The following ADAMTS20 variants were observed in gnomAD, a reference collection of about 807,000 sequenced individuals.
ADAMTS20 encodes A disintegrin and metalloproteinase with thrombospondin motifs 20.
In ADAMTS20, 225 loss-of-function variants were observed where a neutral mutation model predicts 260.1. The observed-to-expected ratio is 0.87, with a 90% confidence interval of 0.78 to 0.97. The LOEUF is 0.97. ADAMTS20 is among the 50% of genes least tolerant of loss of function. ADAMTS20 has a pLI of 0.00. For missense variants in ADAMTS20, 2,400 were observed against 2,337.7 expected (o/e 1.03, Z -0.55); for synonymous variants, 802 against 769.5 (o/e 1.04, Z -0.70).
At chr12:43,435,510 G>T (rs555843091) in intron 18 of ADAMTS20, among the ~76,000 whole-genome samples, 2 of 151,502 alleles carry the variant, frequency 1.3e-5, no homozygotes, top group East Asian at 3.9e-4. Context: ...GTGGTGGTGG[G>T]TGCCTGTAGT....
intron 4 of ADAMTS20, among the ~76,000 whole-genome samples, chr12:43,497,296 C>T (rs1325147232): frequency 6.6e-6 from 1 of 152,042 alleles, no homozygotes; most frequent in African/African-American, 2.4e-5. Flanking sequence ...ATACTTCATA[C>T]AAAGCATGAA....
At chr12:43,470,954 A>T (rs1270099205) in intron 7 of ADAMTS20, among the ~76,000 whole-genome samples, 11 of 152,226 alleles carry the variant, frequency 7.2e-5, no homozygotes, top group Admixed American at 7.2e-4. Flanking sequence ...CATAGGAAGC[A>T]TTCAAATACC....
chr12:43,437,972 G>A (rs1373726708), intron 18 of ADAMTS20, among the ~76,000 whole-genome samples: 1 of 152,012 alleles, frequency 6.6e-6, no homozygotes, highest in Non-Finnish European at 1.5e-5. Context: ...AAAATGTAGA[G>A]TTCTGATAAA....
chr12:43,482,140 T>C (rs1398355483), intron 7 of ADAMTS20, among the ~76,000 whole-genome samples: 1 of 152,180 alleles, frequency 6.6e-6, no homozygotes, highest in Non-Finnish European at 1.5e-5. Context: ...CCATTTCTGA[T>C]CCATTCTCAC....
rs1940760923 is a variant in ADAMTS20 at position 43,399,182 on chromosome 12, CAATG to C, written c.4332_4335del (p.Cys1444TrpfsTer8). On this transcript the variant is annotated frameshift_variant, in exon 29 of 39. Coordinates refer to ENST00000389420, the MANE Select transcript of ADAMTS20 (RefSeq NM_025003.5). LOFTEE classifies it high-confidence loss of function. The stretch of plus-strand genomic sequence containing the variant: ...TCTTCTAATTTCCTTTGGAATTGGT[CAATG>C]CAAAACACTTCACGGTACTTTCTAC... 6 of 1,580,528 alleles carry C rather than the reference CAATG, an allele frequency of 3.8e-6. No individual in the cohort carries two copies. The highest frequency in any genetic ancestry group is 5.2e-6 in the Non-Finnish European group (6 of 1,162,154).
intron 3 of ADAMTS20, among the ~76,000 whole-genome samples, chr12:43,531,593 T>A (rs981054419): frequency 2.6e-5 from 4 of 152,074 alleles, no homozygotes; most frequent in Admixed American, 1.3e-4. Context: ...GTTGAACTCA[T>A]AGATGTAAAG....
chr12:43,401,390 C>T (rs1049436066), intron 28 of ADAMTS20, among the ~76,000 whole-genome samples: 1 of 151,752 alleles, frequency 6.6e-6, no homozygotes, highest in African/African-American at 2.4e-5. Flanking sequence ...TAAGAATGGC[C>T]AATTCATTTA....
chr12:43,492,485 G>C lies in ADAMTS20; in HGVS notation c.1076+20C>G, dbSNP rs781131417. ...GAAGAGTAAAGGATTGTATGGGAAG[G>C]GTTATTTCTATAATCATACCTAGTG... On this transcript the variant is annotated intron_variant, in intron 6 of 38. Coordinates refer to ENST00000389420, the MANE Select transcript of ADAMTS20 (RefSeq NM_025003.5). 6.2e-7 allele frequency: 1 copy of C among 1,612,172 alleles called. No individual in the cohort carries two copies. The highest frequency in any genetic ancestry group is 1.7e-5 in the Admixed American group (1 of 59,998).
At chr12:43,541,017 A>G (rs1473957074) in intron 2 of ADAMTS20, among the ~76,000 whole-genome samples, 9 of 152,154 alleles carry the variant, frequency 5.9e-5, no homozygotes, top group Non-Finnish European at 1.0e-4. Context: ...TAGCAAATAC[A>G]TGTACTTTTG....
intron 28 of ADAMTS20, among the ~76,000 whole-genome samples, chr12:43,400,561 C>G (rs1940789688): frequency 6.6e-6 from 1 of 151,912 alleles, no homozygotes; most frequent in Non-Finnish European, 1.5e-5. Context: ...TCTAATGGAT[C>G]TTCATATGTT....
In ADAMTS20 at chr12:43,354,117, T is replaced by G; in HGVS notation, c.*92A>C. ...CAGAGACATATTGGACATGGAAATC[T>G]CGGGAAGGGAGATATAAAGAAATGA... On this transcript the variant is annotated 3_prime_UTR_variant, in exon 39 of 39. Coordinates refer to ENST00000389420, the MANE Select transcript of ADAMTS20 (RefSeq NM_025003.5). 1.0e-6 allele frequency: 1 copy of G among 959,772 alleles called. No homozygotes were observed. The highest frequency in any genetic ancestry group is 1.5e-6 in the Non-Finnish European group (1 of 655,160). The allele number at this position is 959,772 out of a possible 1,614,324, so 59.5% of individuals were successfully genotyped here.
chr12:43,475,542 A>C (rs1339356137), intron 7 of ADAMTS20, among the ~76,000 whole-genome samples: 3 of 151,928 alleles, frequency 2.0e-5, no homozygotes, highest in Non-Finnish European at 4.4e-5. Context: ...AGTCAATCCT[A>C]AGCCAAAAGA....
intron 11 of ADAMTS20, among the ~76,000 whole-genome samples, chr12:43,457,670 AG>A (rs1204531294): frequency 6.6e-6 from 1 of 152,224 alleles, no homozygotes; most frequent in African/African-American, 2.4e-5. Context: ...CTGATACATT[AG>A]CTAGAATAAA....
intron 11 of ADAMTS20, among the ~76,000 whole-genome samples, chr12:43,460,981 TATATA>T (rs1565558402): frequency 6.8e-5 from 4 of 59,052 alleles, no homozygotes; most frequent in African/African-American, 2.4e-4. Flanking sequence ...TATATATATA[TATATA>T]TATTTTTTTT....
intron 29 of ADAMTS20, among the ~76,000 whole-genome samples, chr12:43,395,677 CTTTTTTT>C (rs5797860): frequency 1.1e-5 from 1 of 90,830 alleles, no homozygotes; most frequent in African/African-American, 4.2e-5. Flanking sequence ...GTGTGAGATT[CTTTTTTT>C]TTTTTTTTTT....
intron 3 of ADAMTS20, among the ~76,000 whole-genome samples, chr12:43,509,615 A>G (rs1473222114): frequency 6.6e-6 from 1 of 152,148 alleles, no homozygotes; most frequent in Non-Finnish European, 1.5e-5. Context: ...TAATAACATC[A>G]CGTAAGAAGA....
intron 21 of ADAMTS20, among the ~76,000 whole-genome samples, chr12:43,431,714 A>G (rs1166573672): frequency 1.3e-5 from 2 of 152,114 alleles, no homozygotes; most frequent in Non-Finnish European, 2.9e-5. Context: ...TCCTAGAAAC[A>G]AAGGTGCAAA....
chr12:43,483,893 T>C (rs1038223776), intron 7 of ADAMTS20, among the ~76,000 whole-genome samples: 23 of 152,256 alleles, frequency 1.5e-4, no homozygotes, highest in African/African-American at 5.5e-4. Context: ...GTGAATAAAG[T>C]AATTGGGATA....
chr12:43,470,277 C>T (rs565460192), intron 7 of ADAMTS20, among the ~76,000 whole-genome samples: 1 of 152,146 alleles, frequency 6.6e-6, no homozygotes, highest in South Asian at 2.1e-4. Context: ...TTACACAATT[C>T]CAATATTTTC....
Sources: gnomAD v4.1 joint callset for allele counts (sites outside exome capture counted in the v4.1 genomes callset) on GRCh38, gnomAD v4.1.1 for gene constraint, MANE v1.5 for transcripts, NCBI Gene and HGNC (gene_info 2026-07-23, HGNC 2026-07-21) for gene names.